The following TBC1D1 variants were observed in gnomAD, a reference collection of about 807,000 sequenced individuals.
TBC1D1 encodes TBC1 domain family member 1, also known as TBC1 (tre-2/USP6, BUB2, cdc16) domain family, member 1.
A neutral mutation model predicts 125.6 loss-of-function variants in TBC1D1; 89 were observed. That is an observed-to-expected ratio of 0.71 (90% CI 0.60 to 0.85). TBC1D1 has a LOEUF of 0.85. Ranked by LOEUF, TBC1D1 falls within the 40% of genes least tolerant of loss-of-function variation. The pLI is 0.00. For missense variants in TBC1D1, 1,377 were observed against 1,469.2 expected (o/e 0.94, Z 1.03); for synonymous variants, 565 against 564.1 (o/e 1.00, Z -0.02).
chr4:37,961,949 T>C (rs1270614310), intron 2 of TBC1D1, among the ~76,000 whole-genome samples: 1 of 152,248 alleles, frequency 6.6e-6, no homozygotes, highest in Non-Finnish European at 1.5e-5. Context: ...CACTCCATTT[T>C]GATTTTTGCT....
chr4:37,996,257 C>T (rs907300160), intron 2 of TBC1D1: 40 of 270,138 alleles, frequency 1.5e-4, no homozygotes, highest in African/African-American at 6.5e-4. Context: ...CCCGGGCTTT[C>T]GCATTCACAG....
rs889148030 is a variant in TBC1D1 at position 37,995,084 on chromosome 4, G to C, written c.418-19425G>C. 1.3e-5 allele frequency among the ~76,000 whole-genome samples: 2 copies of C among 152,056 alleles called. No homozygotes were observed. Among genetic ancestry groups the C allele is most frequent in the African/African-American group, 2.4e-5 (1 of 41,390 alleles). The stretch of plus-strand genomic sequence containing the variant: ...GCCAATTTATTTTTGTAGAATAGTA[G>C]AATTTGGAACTAGAAGTGATTTTAA... On this transcript the variant is annotated intron_variant, in intron 2 of 19. Transcript: ENST00000261439. The surrounding 1 kb of genome is among the most constrained non-coding windows in gnomAD (Gnocchi z 4.3).
At chr4:38,057,307 C>G (rs1333444179) in intron 12 of TBC1D1, among the ~76,000 whole-genome samples, 1 of 152,182 alleles carries the variant, frequency 6.6e-6, no homozygotes, top group Non-Finnish European at 1.5e-5. Flanking sequence ...GAATGCTCTT[C>G]GTCAGTATCC....
In TBC1D1 at chr4:37,974,514, C is replaced by T. The variant is rs558539820; in HGVS notation, c.418-39995C>T. Among the ~76,000 whole-genome samples the T allele has an allele frequency of 2.4e-4, 37 of 152,110 alleles. 1 individual carries two copies. Among genetic ancestry groups the T allele is most frequent in the African/African-American group, 8.0e-4 (33 of 41,498 alleles). On this transcript the variant is annotated intron_variant, in intron 2 of 19. Coordinates refer to ENST00000261439, the MANE Select transcript of TBC1D1 (RefSeq NM_015173.4). ...TTGGCATCCCAAAGTGCTGGGATTA[C>T]AGGCATGAGCCACCATGCATGGCCT...
chr4:38,103,488 C>T (rs941331076), intron 15 of TBC1D1, among the ~76,000 whole-genome samples: 1 of 152,100 alleles, frequency 6.6e-6, no homozygotes, highest in African/African-American at 2.4e-5. Context: ...TCCTGGAAAA[C>T]GTATAGATGT....
chr4:38,061,977 A>G (rs1177254454), intron 12 of TBC1D1, among the ~76,000 whole-genome samples: 1 of 152,216 alleles, frequency 6.6e-6, no homozygotes, highest in Non-Finnish European at 1.5e-5. Context: ...GCTGGAAAAT[A>G]CAAGCATAGT....
chr4:38,119,084 A>G (rs933189875), intron 17 of TBC1D1, among the ~76,000 whole-genome samples: 5 of 152,202 alleles, frequency 3.3e-5, no homozygotes, highest in Admixed American at 6.5e-5. Context: ...TAAAAAAATG[A>G]TAGTTATTAT....
At chr4:38,092,501 CAG>C (rs2152541636) in intron 13 of TBC1D1, among the ~76,000 whole-genome samples, 1 of 152,128 alleles carries the variant, frequency 6.6e-6, no homozygotes, top group South Asian at 2.1e-4. Context: ...GAGGCTGAGA[CAG>C]GGAGATCACC....
At chr4:37,897,723 C>T (rs1307823268) in intron 1 of TBC1D1, among the ~76,000 whole-genome samples, 2 of 152,156 alleles carry the variant, frequency 1.3e-5, no homozygotes, top group Non-Finnish European at 2.9e-5. Context: ...CAGATTTATC[C>T]TTTGTAATAA....
Position 37,999,607 on chromosome 4 carries a change from G to A in TBC1D1, c.418-14902G>A, listed in dbSNP as rs547468922. On this transcript the variant is annotated intron_variant, in intron 2 of 19. Coordinates refer to ENST00000261439, the MANE Select transcript of TBC1D1 (RefSeq NM_015173.4). Reference sequence around the variant, plus strand: ...CCTCAGGACCTGGGAGAGCAGGCCTGTGGGGGGAGGGAGGGGAGGAGACAT... The same window carrying A: ...CCTCAGGACCTGGGAGAGCAGGCCTATGGGGGGAGGGAGGGGAGGAGACAT... Among the ~76,000 whole-genome samples the A allele has an allele frequency of 3.9e-5, 6 of 152,238 alleles. No individual in the cohort carries two copies. In the South Asian group the frequency reaches 1.2e-3, roughly 32 times the overall value.
At chr4:38,122,733 A>G (rs1450134998) in intron 17 of TBC1D1, among the ~76,000 whole-genome samples, 1 of 152,228 alleles carries the variant, frequency 6.6e-6, no homozygotes, top group African/African-American at 2.4e-5. Flanking sequence ...CATTAAGTTA[A>G]AGTAGAAGAC....
At position 38,119,253 on chromosome 4, in the gene TBC1D1, A is replaced by G. The variant is rs151132467; in HGVS notation, c.2962+1061A>G. Among the ~76,000 whole-genome samples, 101 of 152,266 alleles carry G rather than the reference A, an allele frequency of 6.6e-4. 2 individuals are homozygous for G. In the East Asian group the frequency reaches 0.014, roughly 22 times the overall value. ...AACATCTTAAATATCCAAATTCTAGAAATCCTAAAATTTGCTTTTTAATAT... is the reference window on the plus strand; with the variant it reads ...AACATCTTAAATATCCAAATTCTAGGAATCCTAAAATTTGCTTTTTAATAT... On this transcript the variant is annotated intron_variant, in intron 17 of 19. Coordinates refer to ENST00000261439, the MANE Select transcript of TBC1D1 (RefSeq NM_015173.4).
intron 2 of TBC1D1, among the ~76,000 whole-genome samples, chr4:37,988,125 G>A (rs1241016512): frequency 5.3e-5 from 8 of 152,186 alleles, no homozygotes; most frequent in African/African-American, 1.7e-4. Flanking sequence ...CATGTAAACC[G>A]TCAAGCACTC....
At chr4:37,911,127 C>CCTCCTTTT (rs1447603935) in intron 2 of TBC1D1, among the ~76,000 whole-genome samples, 101 of 136,528 alleles carry the variant, frequency 7.4e-4, no homozygotes, top group African/African-American at 2.6e-3. Context: ...GTTCTCCCCT[C>CCTCCTTTT]CTCCTTTTTT....
At chr4:37,914,289 C>G (rs1273882157) in intron 2 of TBC1D1, among the ~76,000 whole-genome samples, 1 of 152,208 alleles carries the variant, frequency 6.6e-6, no homozygotes, top group Non-Finnish European at 1.5e-5. Context: ...CTACACATCT[C>G]AAACTCAACA....
intron 2 of TBC1D1, among the ~76,000 whole-genome samples, chr4:37,992,124 A>C (rs1047669720): frequency 3.9e-5 from 6 of 152,158 alleles, no homozygotes; most frequent in African/African-American, 1.2e-4. Flanking sequence ...GAGCCCTAGA[A>C]GGTTTGTGAG....
At chr4:38,006,687 G>A (rs1011080062) in intron 2 of TBC1D1, 66 of 286,626 alleles carry the variant, frequency 2.3e-4, no homozygotes, top group African/African-American at 5.9e-4. Flanking sequence ...CACCATGTTA[G>A]CCAGGATGGG....
chr4:37,974,331 A>G (rs1287605426), intron 2 of TBC1D1, among the ~76,000 whole-genome samples: 1 of 151,856 alleles, frequency 6.6e-6, no homozygotes, highest in African/African-American at 2.4e-5. Flanking sequence ...CTAGGGCTCA[A>G]ATGATCTTCC....
At chr4:38,115,561 G>T (rs545981952) in intron 15 of TBC1D1, 149 bp from the exon 18 acceptor site, 43 of 731,490 alleles carry the variant, frequency 5.9e-5, no homozygotes, top group Non-Finnish European at 8.9e-5. Flanking sequence ...GGTGGACTTC[G>T]TTTGCAGAGG....
Sources: allele counts gnomAD v4.1 joint callset (sites outside exome capture counted in the v4.1 genomes callset), GRCh38; gene constraint gnomAD v4.1.1; non-coding constraint Gnocchi (gnomAD v3.1); transcripts MANE v1.5; gene names NCBI Gene and HGNC (gene_info 2026-07-23, HGNC 2026-07-21).